Variants in NID2 observed in about 807,000 individuals in gnomAD.
The protein encoded by NID2 is nidogen 2, also known as nidogen-2.
In NID2, 83 loss-of-function variants were observed where a neutral mutation model predicts 145.4. That is an observed-to-expected ratio of 0.57 (90% CI 0.48 to 0.69). The LOEUF is 0.69. Among genes scored for constraint, NID2 ranks in the 30% least tolerant of loss-of-function variants. The pLI is 0.00. For synonymous variants in NID2, 739 were observed against 701.3 expected (o/e 1.05, Z -0.85); for missense variants, 1,807 against 1,765.7 (o/e 1.02, Z -0.42).
intron 2 of NID2, among the ~76,000 whole-genome samples, chr14:52,065,128 C>T (rs1021222879): frequency 6.6e-6 from 1 of 152,130 alleles, no homozygotes; most frequent in Non-Finnish European, 1.5e-5. Flanking sequence ...GACATTCCTG[C>T]AATATCAGGT....
intron 12 of NID2, among the ~76,000 whole-genome samples, chr14:52,023,730 G>C (rs1224724847): frequency 1.3e-5 from 2 of 152,202 alleles, no homozygotes; most frequent in East Asian, 3.9e-4. Context: ...ACACAAGTTT[G>C]AAATCACTCC....
intron 5 of NID2, among the ~76,000 whole-genome samples, chr14:52,046,934 C>T (rs942876850): frequency 5.3e-5 from 8 of 152,220 alleles, no homozygotes; most frequent in African/African-American, 1.9e-4. Flanking sequence ...TTTATAATCC[C>T]TCTTCCACGC....
At chr14:52,027,632 C>CTACA (rs1891635704) in intron 11 of NID2, among the ~76,000 whole-genome samples, 1 of 61,924 alleles carries the variant, frequency 1.6e-5, no homozygotes, top group African/African-American at 5.7e-5. Flanking sequence ...AGAGCAATTG[C>CTACA]TACACACACA....
At chr14:52,020,831 G>A (rs1891380131) in intron 12 of NID2, among the ~76,000 whole-genome samples, 1 of 152,136 alleles carries the variant, frequency 6.6e-6, no homozygotes, top group Non-Finnish European at 1.5e-5. Context: ...AAATTTGCCA[G>A]GCATATCAGT....
intron 16 of NID2, among the ~76,000 whole-genome samples, chr14:52,012,228 G>T (rs1891057237): frequency 6.6e-6 from 1 of 152,098 alleles, no homozygotes; most frequent in Non-Finnish European, 1.5e-5. Context: ...CTGTGAATGA[G>T]ATCTTTCCTC....
intron 12 of NID2, among the ~76,000 whole-genome samples, chr14:52,021,145 T>G (rs1891391152): frequency 5.3e-5 from 8 of 152,094 alleles, no homozygotes; most frequent in Middle Eastern, 3.4e-3. Context: ...TAGGTCCGAT[T>G]AAGGCTTGGC....
intron 21 of NID2, 72 bp downstream of exon 21, chr14:52,005,665 G>T: frequency 1.4e-6 from 2 of 1,393,926 alleles, no homozygotes; most frequent in Non-Finnish European, 2.0e-6. Flanking sequence ...GGCAGCAGGG[G>T]TAATCAAATA....
At chr14:52,041,480 CA>C (rs1243082469) in intron 7 of NID2, among the ~76,000 whole-genome samples, 1 of 152,186 alleles carries the variant, frequency 6.6e-6, no homozygotes, top group African/African-American at 2.4e-5. Flanking sequence ...AACAAGTTTT[CA>C]GGTTGGAAGG....
intron 5 of NID2, among the ~76,000 whole-genome samples, chr14:52,046,249 G>T (rs1892487590): frequency 6.7e-6 from 1 of 148,800 alleles, no homozygotes; most frequent in South Asian, 2.2e-4. Context: ...CGTGAATCTG[G>T]CAGGCGGAGC....
rs753966543 is a variant in NID2, at chr14:52,019,262, G to C, written c.2827C>G (p.Gln943Glu). 5 of 1,601,606 alleles carry C rather than the reference G, an allele frequency of 3.1e-6. No homozygotes were observed. The highest frequency in any genetic ancestry group is 4.3e-6 in the Non-Finnish European group (5 of 1,169,732). Residue 943 changes from glutamine to glutamate, a missense_variant, in exon 14 of 22, where the codon CAG becomes GAG. Physicochemically the swap from Gln to Glu is conservative, Grantham distance 29. Transcript: ENST00000216286. Reference protein sequence around the residue: ...STSSLTPCEQQQRHAQAQYAY... With the variant: ...STSSLTPCEQEQRHAQAQYAY... ...TACTGGGCCTGGGCATGGCGCTGCT[G>C]TTGTTCACAGGGTGTCAGGCTTGAG...
intron 1 of NID2, 134 bp downstream of exon 1, chr14:52,068,633 C>T: frequency 1.3e-6 from 1 of 746,198 alleles, no homozygotes. Flanking sequence ...CGCTCTCTGG[C>T]CGGGTACCAC....
At chr14:52,020,580 T>C (rs1333316349) in intron 12 of NID2, among the ~76,000 whole-genome samples, 3 of 151,014 alleles carry the variant, frequency 2.0e-5, no homozygotes, top group African/African-American at 7.3e-5. Flanking sequence ...CCAACAATGG[T>C]TTTTTTTTCT....
chr14:52,060,740 G>C (rs76248094), intron 2 of NID2, among the ~76,000 whole-genome samples: 1 of 152,158 alleles, frequency 6.6e-6, no homozygotes, highest in African/African-American at 2.4e-5. Context: ...CACTGCCCTA[G>C]TTTATAACCC....
In NID2 at chr14:52,015,149, A is replaced by C; in HGVS notation, c.3155T>G (p.Leu1052Arg). 1 of 1,613,954 alleles carries C rather than the reference A, an allele frequency of 6.2e-7. No homozygotes were observed. Among genetic ancestry groups the C allele is most frequent in the Non-Finnish European group, 8.5e-7 (1 of 1,180,008 alleles). The change falls in exon 15 of 22, where the codon CTG becomes CGG. Residue 1052 changes from leucine (L) to arginine (R), a missense_variant. Leu to Arg is a moderately radical substitution (Grantham distance 102, BLOSUM62 -2). Transcript: ENST00000216286. Reference protein sequence around the residue: ...QCDDLGHFIPLQCHGKSDFCW... With the variant: ...QCDDLGHFIPRQCHGKSDFCW... The stretch of plus-strand genomic sequence containing the variant: ...GAAGTCGCTCTTTCCGTGGCACTGC[A>C]GGGGGATGAAGTGGCCCAGGTCATC...
chr14:52,061,488 A>AGGACT (rs1893019144), intron 2 of NID2, among the ~76,000 whole-genome samples: 1 of 152,210 alleles, frequency 6.6e-6, no homozygotes, highest in Non-Finnish European at 1.5e-5. Flanking sequence ...CTCACGGTGT[A>AGGACT]GGACTGGGAA....
intron 15 of NID2, among the ~76,000 whole-genome samples, 165 bp from the exon 16 acceptor site, chr14:52,014,621 G>GT (rs527560902): frequency 1.3e-5 from 2 of 152,136 alleles, no homozygotes; most frequent in South Asian, 2.1e-4. Flanking sequence ...AATTTCTAGG[G>GT]TTTTTTTAAG....
At chr14:52,033,415 CA>C (rs1278934579) in intron 9 of NID2, among the ~76,000 whole-genome samples, 1 of 152,132 alleles carries the variant, frequency 6.6e-6, no homozygotes, top group Non-Finnish European at 1.5e-5. Flanking sequence ...CCAACAACAA[CA>C]AAAAACAGCT....
chr14:52,010,992 C>G lies in NID2; in HGVS notation c.3606G>C (p.Trp1202Cys). ...AIDHIRRTMY[W>C]TDSVLDKIES... Reference sequence around the variant, plus strand: ...CTATCTTATCCAGGACACTGTCCGTCCAGTACATTGTTCTGCGGATGTGGT... The same window carrying G: ...CTATCTTATCCAGGACACTGTCCGTGCAGTACATTGTTCTGCGGATGTGGT... Residue 1202 changes from tryptophan to cysteine, a missense_variant, in exon 18 of 22, where the codon TGG becomes TGC. Physicochemically the swap from Trp to Cys is radical, Grantham distance 215 (BLOSUM62 -2). Transcript: ENST00000216286. 2 of 1,614,166 alleles carry G rather than the reference C, an allele frequency of 1.2e-6. No individual in the cohort carries two copies. The highest frequency in any genetic ancestry group is 1.7e-6 in the Non-Finnish European group (2 of 1,180,020).
In NID2 at chr14:52,030,542, A is replaced by AAG. The variant is rs1250450192; in HGVS notation, c.2258-854_2258-853dup. ...AAAGAAAGAAAGAAAGAAAGAAAGA[A>AAG]AGAAAGAAAGAAAGAAAGAAAGAAA... On this transcript the variant is annotated intron_variant, in intron 9 of 21. Coordinates refer to ENST00000216286, the MANE Select transcript of NID2 (RefSeq NM_007361.4). Among the ~76,000 whole-genome samples, 212 of 58,158 alleles carry AAG rather than the reference A, an allele frequency of 3.6e-3. 1 individual carries two copies. The highest frequency in any genetic ancestry group is 7.9e-3 in the Middle Eastern group (1 of 126). The allele number at this position is 58,158 out of a possible 152,430, so 38.2% of individuals were successfully genotyped here.
Sources: gnomAD v4.1 joint callset for allele counts (sites outside exome capture counted in the v4.1 genomes callset) on GRCh38, gnomAD v4.1.1 for gene constraint, MANE v1.5 for transcripts, NCBI Gene and HGNC (gene_info 2026-07-23, HGNC 2026-07-21) for gene names.